The following PGK1 variants were observed in gnomAD, a reference collection of about 807,000 sequenced individuals.
PGK1 encodes PRP 2.
PGK1 carries 3 observed loss-of-function variants against 26.9 expected under a neutral mutation model. That is an observed-to-expected ratio of 0.11 (90% CI 0.05 to 0.29). PGK1 has a LOEUF of 0.29. Ranked by LOEUF, PGK1 falls within the 10% of genes least tolerant of loss-of-function variation. PGK1 has a pLI of 1.00. For synonymous variants in PGK1, 125 were observed against 115.3 expected, an observed-to-expected ratio of 1.08 and a Z score of -0.54; for missense variants, 270 against 314.7, an observed-to-expected ratio of 0.86 and a Z score of 1.07.
intron 4 of PGK1, among the ~76,000 whole-genome samples, chrX:78,114,882 A>G (rs1312368120): frequency 1.8e-5 from 2 of 112,338 alleles, no homozygotes; most frequent in Non-Finnish European, 3.8e-5. Flanking sequence ...CTCTTTGCAG[A>G]TGATTTTGAA....
chrX:78,119,610 C>T (rs1557247803), intron 6 of PGK1, among the ~76,000 whole-genome samples: 1 of 111,731 alleles, frequency 9.0e-6, no homozygotes, highest in Admixed American at 9.5e-5. Flanking sequence ...ATTATCCCCA[C>T]GTGTTGTGGG....
At chrX:78,105,623 G>C (rs1175637532) in intron 1 of PGK1, among the ~76,000 whole-genome samples, 3 of 111,699 alleles carry the variant, frequency 2.7e-5, no homozygotes, top group Admixed American at 1.9e-4. Context: ...GTTTGAGTTA[G>C]GGAACTGTAT....
In PGK1 at chrX:78,128,363, T is replaced by C. The variant is rs1339686401; in HGVS notation, c.*2533T>C. ...TTTGGGACCAGCCTGGCCAACATGG[T>C]GAAACCCCGTTTCTACCAAAAATAC... On this transcript the variant is annotated 3_prime_UTR_variant, in exon 11 of 11. Coordinates refer to ENST00000373316, the MANE Select transcript of PGK1 (RefSeq NM_000291.4). 1.8e-5 allele frequency: 2 copies of C among 112,884 alleles called. No homozygotes were observed. Among genetic ancestry groups the C allele is most frequent in the African/African-American group, 6.4e-5 (2 of 31,035 alleles). 9.3% of individuals were successfully genotyped at this position (112,884 alleles called of 1,213,427 possible).
intron 2 of PGK1, among the ~76,000 whole-genome samples, chrX:78,113,294 C>G (rs782292936): frequency 9.0e-6 from 1 of 110,728 alleles, no homozygotes. Context: ...GAGTGAGACC[C>G]TGTCTCAACA....
intron 1 of PGK1, among the ~76,000 whole-genome samples, chrX:78,105,045 C>T (rs1197326932): frequency 5.3e-5 from 6 of 112,455 alleles, no homozygotes; most frequent in Non-Finnish European, 1.1e-4. Flanking sequence ...ACAGGATTTG[C>T]ATCAGGATTG....
At chrX:78,114,415 T>C (rs2078316643) in intron 4 of PGK1, among the ~76,000 whole-genome samples, 1 of 111,537 alleles carries the variant, frequency 9.0e-6, no homozygotes, top group East Asian at 2.8e-4. Context: ...GTTTGAAAAA[T>C]ATGTGAACAC....
chrX:78,106,539 G>A (rs782110441), intron 1 of PGK1: 17 of 752,489 alleles, frequency 2.3e-5, no homozygotes, highest in Admixed American at 8.8e-5. Context: ...GTTGCTGGCG[G>A]TGTTTCCGGA....
At chrX:78,108,328 G>C (rs193255936) in intron 1 of PGK1, among the ~76,000 whole-genome samples, 1 of 111,870 alleles carries the variant, frequency 8.9e-6, no homozygotes, top group Non-Finnish European at 1.9e-5. Flanking sequence ...GTTGCATGGG[G>C]GAAAATGACC....
At chrX:78,104,426 G>A (rs782559909) in intron 1 of PGK1, 21 bp downstream of exon 1, 1 of 1,130,875 alleles carries the variant, frequency 8.8e-7, no homozygotes, top group Non-Finnish European at 1.2e-6. Context: ...ACGTTTGCCC[G>A]CGTGCTCTCT....
chrX:78,116,802 A>C (rs1406028371), intron 4 of PGK1, among the ~76,000 whole-genome samples: 1 of 112,028 alleles, frequency 8.9e-6, no homozygotes, highest in African/African-American at 3.2e-5. Flanking sequence ...AGTGTTTCTG[A>C]GGTTCTTTTC....
intron 1 of PGK1, among the ~76,000 whole-genome samples, chrX:78,106,109 C>T (rs1173609601): frequency 2.7e-5 from 3 of 111,416 alleles, no homozygotes; most frequent in Admixed American, 9.5e-5. Flanking sequence ...TAGCTGGGGG[C>T]GGGATTGGAG....
intron 1 of PGK1, among the ~76,000 whole-genome samples, chrX:78,108,322 C>T (rs1426897415): frequency 4.5e-5 from 5 of 111,862 alleles, no homozygotes; most frequent in African/African-American, 1.6e-4. Context: ...TGGGAGGTTG[C>T]ATGGGGGAAA....
intron 6 of PGK1, among the ~76,000 whole-genome samples, chrX:78,122,500 GAGT>G (rs2078361075): frequency 9.4e-6 from 1 of 106,845 alleles, no homozygotes; most frequent in Non-Finnish European, 1.9e-5. Flanking sequence ...CCTTAGACAA[GAGT>G]AGGTCTTCTG....
intron 1 of PGK1, among the ~76,000 whole-genome samples, chrX:78,104,947 T>C (rs782329139): frequency 1.8e-5 from 2 of 110,964 alleles, no homozygotes; most frequent in Non-Finnish European, 3.8e-5. Flanking sequence ...GGTGGGAGGG[T>C]AGGGCGGGGC....
chrX:78,114,518 C>T (rs1457623330), intron 4 of PGK1, among the ~76,000 whole-genome samples: 1 of 110,573 alleles, frequency 9.0e-6, no homozygotes, highest in African/African-American at 3.3e-5. Context: ...AAGTATGTTC[C>T]TTTAAATCTC....
Position 78,120,379 on chromosome X carries a change from C to T in PGK1, c.641+2209C>T, listed in dbSNP as rs2078348620. ...TATACACACACACACGTATATATTC[C>T]TGACAAAGTGAATACAAGTGAAATA... On this transcript the variant is annotated intron_variant, in intron 6 of 10. Transcript: ENST00000373316. 2.7e-5 allele frequency among the ~76,000 whole-genome samples: 3 copies of T among 110,110 alleles called. No individual in the cohort carries two copies. In the South Asian group the frequency reaches 1.2e-3, roughly 43 times the overall value.
chrX:78,116,187 T>G (rs2078325840), intron 4 of PGK1, among the ~76,000 whole-genome samples: 1 of 110,857 alleles, frequency 9.0e-6, no homozygotes, highest in African/African-American at 3.3e-5. Context: ...AATGGAGGGG[T>G]TATTATGCCT....
At position 78,113,775 on chromosome X, in the gene PGK1, T is replaced by G. The variant is rs2149132074; in HGVS notation, c.148T>G (p.Cys50Gly). Residue 50 changes from cysteine (C) to glycine (G), a missense_variant, in exon 3 of 11, where the codon TGC (cysteine) becomes GGC (glycine). Transcript: ENST00000373316. ...GGCTGCTGTCCCAAGCATCAAATTC[T>G]GCTTGGACAATGGAGCCAAGTCGGT... ...IKAAVPSIKFCLDNGAKSVVL... is the reference protein window; with the variant it reads ...IKAAVPSIKFGLDNGAKSVVL... 2.5e-6 allele frequency: 3 copies of G among 1,209,995 alleles called. No individual in the cohort carries two copies. Among genetic ancestry groups the G allele is most frequent in the Non-Finnish European group, 3.4e-6 (3 of 893,863 alleles).
At chrX:78,113,157 T>A (rs782636826) in intron 2 of PGK1, among the ~76,000 whole-genome samples, 29 of 111,121 alleles carry the variant, frequency 2.6e-4, no homozygotes, top group Non-Finnish European at 4.3e-4. Flanking sequence ...TAGCTGGGCA[T>A]GGTGGTGCAT....
Sources: allele counts gnomAD v4.1 joint callset (sites outside exome capture counted in the v4.1 genomes callset), GRCh38; gene constraint gnomAD v4.1.1; transcripts MANE v1.5; gene names NCBI Gene and HGNC (gene_info 2026-07-23, HGNC 2026-07-21).